Variants in CFAP43 observed in about 807,000 individuals in gnomAD.
CFAP43 encodes the protein cilia and flagella associated protein 43.
Under a neutral mutation model 218.9 loss-of-function variants are expected in CFAP43, and 155 were observed. The ratio of observed to expected loss-of-function variants is 0.71; its 90% CI spans 0.62 to 0.81. The LOEUF (loss-of-function observed/expected upper bound fraction) is 0.81, where lower values mean the gene tolerates loss of function less well. CFAP43 is among the 30% of genes least tolerant of loss of function. The probability of loss-of-function intolerance (pLI) is 0.00; values close to 1 mark genes in which losing one functional copy is unlikely to be tolerated. For synonymous variants in CFAP43, 645 were observed against 681.3 expected, an observed-to-expected ratio of 0.95 and a Z score of 0.83; for missense variants, 1,778 against 1,954.3, an observed-to-expected ratio of 0.91 and a Z score of 1.70.
At chr10:104,166,878 A>G (rs562630175) in intron 22 of CFAP43, among the ~76,000 whole-genome samples, 160 bp from the exon 23 acceptor site, 5 of 152,234 alleles carry the variant, frequency 3.3e-5, no homozygotes, top group African/African-American at 4.8e-5. Context: ...GAACTGCTGC[A>G]GAAGAGATTA....
At chr10:104,224,241 C>T (rs2091253874) in intron 3 of CFAP43, among the ~76,000 whole-genome samples, 1 of 151,686 alleles carries the variant, frequency 6.6e-6, no homozygotes, top group Non-Finnish European at 1.5e-5. Flanking sequence ...GATGGGATTT[C>T]ACCGTGTTAG....
intron 34 of CFAP43, among the ~76,000 whole-genome samples, chr10:104,139,688 G>T (rs997337630): frequency 3.3e-5 from 5 of 152,142 alleles, no homozygotes; most frequent in African/African-American, 1.2e-4. Flanking sequence ...AAGAAAAATG[G>T]AGAGAATTCA....
intron 21 of CFAP43, 27 bp from the exon 22 acceptor site, chr10:104,167,764 T>C (rs1298280482): frequency 1.3e-6 from 2 of 1,546,710 alleles, no homozygotes; most frequent in Non-Finnish European, 1.8e-6. Flanking sequence ...CAAGACAAAA[T>C]AAATCCATTT....
intron 4 of CFAP43, among the ~76,000 whole-genome samples, 181 bp downstream of exon 4, chr10:104,214,078 A>G (rs2090943514): frequency 6.6e-6 from 1 of 152,212 alleles, no homozygotes; most frequent in Non-Finnish European, 1.5e-5. Flanking sequence ...CAACCACTCC[A>G]AGGTAATCAC....
chr10:104,213,807 C>G (rs1031504327), intron 4 of CFAP43, among the ~76,000 whole-genome samples: 1 of 152,136 alleles, frequency 6.6e-6, no homozygotes, highest in African/African-American at 2.4e-5. Flanking sequence ...ATTGCTGGGA[C>G]TACAGGCGTG....
At position 104,172,586 on chromosome 10, in the gene CFAP43, A is replaced by G. The variant is rs2089457140; in HGVS notation, c.2461-51T>C. ...CTGACAAGTAAAGAATTAAACTGTA[A>G]TAAGATAATTTTCTTAGTTTCTTTT... On this transcript the variant is annotated intron_variant, in intron 19 of 37. Transcript: ENST00000357060. 4.8e-6 allele frequency: 7 copies of G among 1,460,960 alleles called. No homozygotes were observed. In the African/African-American group the frequency reaches 7.3e-5, roughly 15 times the overall value. The allele number at this position is 1,460,960 out of a possible 1,614,324, so 90.5% of individuals were successfully genotyped here.
Position 104,207,721 on chromosome 10 carries a change from T to G in CFAP43, c.839A>C (p.Asn280Thr), listed in dbSNP as rs2090736983. ...TACAGTCACTTGCAAGGTGTCTCCA[T>G]TAATCATTAAAAGATGACCCTCTTC... ...GCEEGHLLMI[N>T]GDTLQVTVLN... The change falls in exon 6 of 38, where the codon AAT (asparagine) becomes ACT (threonine). Residue 280 changes from asparagine (N) to threonine (T), a missense_variant. Transcript: ENST00000357060. The G allele has an allele frequency of 1.2e-6, 2 of 1,614,188 alleles. No homozygotes were observed. Among genetic ancestry groups the G allele is most frequent in the South Asian group, 2.2e-5 (2 of 91,086 alleles).
chr10:104,153,734 A>G (rs1386816076), intron 27 of CFAP43, among the ~76,000 whole-genome samples: 2 of 152,126 alleles, frequency 1.3e-5, no homozygotes, highest in African/African-American at 4.8e-5. Context: ...CCAACTGTAG[A>G]CATTCTACCC....
intron 3 of CFAP43, among the ~76,000 whole-genome samples, chr10:104,216,899 C>G (rs2091026363): frequency 6.6e-6 from 1 of 152,152 alleles, no homozygotes. Flanking sequence ...TTCTGGAACC[C>G]TCCCTGCCTA....
At chr10:104,151,641 G>T (rs1375874371) in intron 28 of CFAP43, among the ~76,000 whole-genome samples, 1 of 151,920 alleles carries the variant, frequency 6.6e-6, no homozygotes, top group Non-Finnish European at 1.5e-5. Context: ...CTGGACCTTT[G>T]TCAGATGCAG....
At chr10:104,201,420 G>C (rs1048571949) in intron 8 of CFAP43, among the ~76,000 whole-genome samples, 1 of 151,406 alleles carries the variant, frequency 6.6e-6, no homozygotes, top group Admixed American at 6.6e-5. Flanking sequence ...CTTGTTTTGG[G>C]TTAAACTTTT....
chr10:104,203,687 C>A lies in CFAP43; in HGVS notation c.1080G>T (p.Leu360=). 6.2e-7 allele frequency: 1 copy of A among 1,605,946 alleles called. No individual in the cohort carries two copies. Among genetic ancestry groups the A allele is most frequent in the Non-Finnish European group, 8.5e-7 (1 of 1,176,934 alleles). Reference sequence around the variant, plus strand: ...TCCAACATACCTTGTCTGTTTGAATCAGCAACACTGTATAATTGGGAGAAA... The same window carrying A: ...TCCAACATACCTTGTCTGTTTGAATAAGCAACACTGTATAATTGGGAGAAA... ...MTFSPNYTVL[L]IQTDKGSVYI... Residue 360 remains leucine (L), a synonymous_variant, in exon 8 of 38, where the codon CTG becomes CTT. Transcript: ENST00000357060.
chr10:104,231,620 T>C (rs1454373649), intron 1 of CFAP43, among the ~76,000 whole-genome samples: 1 of 151,674 alleles, frequency 6.6e-6, no homozygotes, highest in African/African-American at 2.4e-5. Context: ...CTGTATAGAG[T>C]GGAGGTGGGG....
chr10:104,218,347 C>CAAAAAAAAAA (rs68078522), intron 3 of CFAP43, among the ~76,000 whole-genome samples: 1 of 98,706 alleles, frequency 1.0e-5, no homozygotes, highest in Non-Finnish European at 2.3e-5. Context: ...GACTGTGTCT[C>CAAAAAAAAAA]AAAAAAAAAA....
intron 10 of CFAP43, 46 bp from the exon 11 acceptor site, chr10:104,194,060 T>G: frequency 6.2e-7 from 1 of 1,600,692 alleles, no homozygotes; most frequent in Non-Finnish European, 8.5e-7. Flanking sequence ...GTGCCTGCTC[T>G]CCTACACGTA....
At chr10:104,219,052 CA>C (rs1454635747) in intron 3 of CFAP43, among the ~76,000 whole-genome samples, 1 of 152,112 alleles carries the variant, frequency 6.6e-6, no homozygotes, top group Non-Finnish European at 1.5e-5. Flanking sequence ...GCCAACTAGA[CA>C]TCTCCGTTTG....
chr10:104,205,127 G>A (rs1459472474), intron 7 of CFAP43, among the ~76,000 whole-genome samples: 1 of 150,512 alleles, frequency 6.6e-6, no homozygotes, highest in East Asian at 2.0e-4. Flanking sequence ...GCAGGAGAAT[G>A]GCGTGAACCC....
intron 19 of CFAP43, among the ~76,000 whole-genome samples, chr10:104,174,706 T>A (rs2089545688): frequency 6.6e-6 from 1 of 152,030 alleles, no homozygotes; most frequent in Non-Finnish European, 1.5e-5. Context: ...TTTTTAAAAT[T>A]GAATAAAGAT....
chr10:104,139,167 A>T (rs61861321), intron 34 of CFAP43, among the ~76,000 whole-genome samples: 4 of 152,208 alleles, frequency 2.6e-5, no homozygotes, highest in African/African-American at 9.6e-5. Flanking sequence ...TAATTACCCA[A>T]ACTGAAACAT....
Sources: allele counts gnomAD v4.1 joint callset (sites outside exome capture counted in the v4.1 genomes callset), GRCh38; gene constraint gnomAD v4.1.1; transcripts MANE v1.5; gene names NCBI Gene and HGNC (gene_info 2026-07-23, HGNC 2026-07-21).